Variants in ZNF208 observed in about 807,000 individuals in gnomAD.
The protein encoded by ZNF208 is zinc finger protein 95.
In ZNF208, 10 loss-of-function variants were observed where a neutral mutation model predicts 12.1. The observed-to-expected ratio is 0.83, with a 90% CI of 0.51 to 1.40. The LOEUF (loss-of-function observed/expected upper bound fraction) is 1.40, where lower values mean the gene tolerates loss of function less well. Among genes scored for constraint, ZNF208 ranks in the 40% most tolerant of loss-of-function variants. ZNF208 has a pLI of 0.00. For synonymous variants in ZNF208, 497 were observed against 488.4 expected (o/e 1.02, Z -0.23); for missense variants, 1,652 against 1,485.0 (o/e 1.11, Z -1.85).
chr19:21,963,892 T>A (rs535235950), downstream of ZNF208, among the ~76,000 whole-genome samples: 18 of 151,972 alleles, frequency 1.2e-4, no homozygotes, highest in Non-Finnish European at 1.9e-4. Flanking sequence ...GAGTAAAAAA[T>A]TTCAAATAGG....
At chr19:22,000,991 A>AC (rs1296594329) in intron 1 of ZNF208, among the ~76,000 whole-genome samples, 2 of 152,182 alleles carry the variant, frequency 1.3e-5, no homozygotes, top group Non-Finnish European at 2.9e-5. Context: ...ACACACACAC[A>AC]AAAATCAAAG....
At chr19:21,974,853 GATAA>G (rs751269131) in intron 3 of ZNF208, 46 bp from the exon 4 acceptor site, 24 of 1,465,140 alleles carry the variant, frequency 1.6e-5, no homozygotes, top group Non-Finnish European at 2.2e-5. Context: ...ATTAGACTCA[GATAA>G]ATACAGTTTC....
At chr19:21,955,329 T>C (rs1050524320) in intron 4 of ZNF208, among the ~76,000 whole-genome samples, 2 of 152,174 alleles carry the variant, frequency 1.3e-5, no homozygotes, top group Non-Finnish European at 2.9e-5. Context: ...TCTTGAGGAG[T>C]ATCTTTGTGG....
chr19:21,973,843 G>T lies in ZNF208; in HGVS notation c.1191C>A (p.Tyr397Ter), dbSNP rs1195209615. The change falls in exon 4 of 4, where the codon TAC becomes TAA. Residue 397 changes from tyrosine (Y) to a stop codon, truncating the protein, a stop_gained. Transcript: ENST00000397126. LOFTEE classifies it low-confidence loss of function (END_TRUNC). ...HKKIHTGEKP[Y>*]KCEECGKGFS... ...AACCTTTGCCACATTCTTCACATTT[G>T]TAGGGTTTCTCTCCAGTATGAATTT... 1.2e-6 allele frequency: 2 copies of T among 1,613,510 alleles called. No individual in the cohort carries two copies. Among genetic ancestry groups the T allele is most frequent in the East Asian group, 4.5e-5 (2 of 44,834 alleles).
intron 4 of ZNF208, among the ~76,000 whole-genome samples, chr19:21,955,954 C>T (rs926140676): frequency 2.6e-5 from 4 of 152,190 alleles, no homozygotes; most frequent in Admixed American, 1.3e-4. Flanking sequence ...TGGTTTCTCC[C>T]CATCTTTGGG....
chr19:21,950,345 G>T (rs73930948), intron 4 of ZNF208, among the ~76,000 whole-genome samples: 2 of 152,086 alleles, frequency 1.3e-5, no homozygotes, highest in South Asian at 2.1e-4. Flanking sequence ...AAACAAAAAA[G>T]CCACCATAAA....
chr19:21,974,333 C>T lies in ZNF208; in HGVS notation c.701G>A (p.Cys234Tyr). 1 of 1,613,708 alleles carries T rather than the reference C, an allele frequency of 6.2e-7. No homozygotes were observed. Among genetic ancestry groups the T allele is most frequent in the Non-Finnish European group, 8.5e-7 (1 of 1,179,794 alleles). The change falls in exon 4 of 4, where the codon TGT (cysteine) becomes TAT (tyrosine). Residue 234 changes from cysteine to tyrosine, a missense_variant. Around this residue, in one of 3 missense-constraint regions of ZNF208, gnomAD observed 410 missense variants for 378.2 expected, o/e 1.08. Transcript: ENST00000397126. Reference protein sequence around the residue: ...TGEKPYRCKECGKAFSKFSIL... With the variant: ...TGEKPYRCKEYGKAFSKFSIL... ...TGAGAACTTACTAAAGGCTTTGCCACATTCTTTACATCTGTAGGGTTTCTC... is the reference window on the plus strand; with the variant it reads ...TGAGAACTTACTAAAGGCTTTGCCATATTCTTTACATCTGTAGGGTTTCTC...
intron 4 of ZNF208, among the ~76,000 whole-genome samples, chr19:21,950,370 A>G (rs1969871016): frequency 6.6e-6 from 1 of 151,990 alleles, no homozygotes; most frequent in South Asian, 2.1e-4. Context: ...ATTTTAAAAG[A>G]TCTCTGCTTT....
chr19:21,985,182 T>C (rs933719932), intron 3 of ZNF208, among the ~76,000 whole-genome samples: 1 of 152,140 alleles, frequency 6.6e-6, no homozygotes, highest in African/African-American at 2.4e-5. Context: ...TAGAGAGATA[T>C]AAAGCATTTA....
At chr19:21,945,907 A>G (rs1969809109) in intron 4 of ZNF208, among the ~76,000 whole-genome samples, 1 of 28,734 alleles carries the variant, frequency 3.5e-5, no homozygotes, top group Non-Finnish European at 8.1e-5. Flanking sequence ...AGCAGCTTGG[A>G]AAAAAAAAAG....
intron 4 of ZNF208, among the ~76,000 whole-genome samples, chr19:21,948,964 C>A (rs1004178092): frequency 3.3e-5 from 5 of 152,178 alleles, no homozygotes; most frequent in African/African-American, 1.2e-4. Context: ...GAAAACACTT[C>A]CTGATGTGCA....
Position 21,939,975 on chromosome 19 carries a change from A to G in ZNF208, c.306-6738T>C, listed in dbSNP as rs573228672. On this transcript the variant is annotated intron_variant, in intron 4 of 4. Transcript: ENST00000599916. ...AGGTAGATTGGATCCTTGCAAAGCA[A>G]CTAACACAAAAATTGTTCATGTATA... 5 of 152,296 alleles carry G rather than the reference A, an allele frequency of 3.3e-5. No homozygotes were observed. In the East Asian group the frequency reaches 9.7e-4, roughly 29 times the overall value. 9.4% of individuals were successfully genotyped at this position (152,296 alleles called of 1,614,324 possible).
Position 21,971,211 on chromosome 19 carries a change from G to T in ZNF208, c.3823C>A (p.His1275Asn), listed in dbSNP as rs1029023879. The T allele has an allele frequency of 1.2e-6, 2 of 1,611,718 alleles. No homozygotes were observed. Among genetic ancestry groups the T allele is most frequent in the Non-Finnish European group, 1.7e-6 (2 of 1,179,624 alleles). Residue 1275 changes from histidine (H) to asparagine (N), a missense_variant, in exon 4 of 4, where the codon CAT becomes AAT. Transcript: ENST00000397126. ...LSVFSKHKKI[H>N]TGEKL is the part of the protein sequence containing the mutation. ...CATTTCTAGAGTTTCTCTCCAGTAT[G>T]AATTTTCTTATGTTTACTGAAGACT...
intron 1 of ZNF208, among the ~76,000 whole-genome samples, chr19:22,008,631 A>G (rs532940438): frequency 2.0e-4 from 31 of 151,320 alleles, no homozygotes; most frequent in Non-Finnish European, 2.4e-4. Flanking sequence ...TCTGTCCCCT[A>G]AGAGAATCCA....
At chr19:21,980,087 C>T (rs1358029392) in intron 3 of ZNF208, among the ~76,000 whole-genome samples, 1 of 151,856 alleles carries the variant, frequency 6.6e-6, no homozygotes, top group Non-Finnish European at 1.5e-5. Context: ...CAAGTTCTTA[C>T]AGACCTACAA....
chr19:21,990,915 T>C (rs573645282), intron 1 of ZNF208, among the ~76,000 whole-genome samples: 1 of 152,194 alleles, frequency 6.6e-6, no homozygotes, highest in Non-Finnish European at 1.5e-5. Context: ...TTGTCTGTTA[T>C]TGGTGTATAA....
chr19:21,958,433 G>A (rs1449317288), intron 4 of ZNF208, among the ~76,000 whole-genome samples: 2 of 152,172 alleles, frequency 1.3e-5, no homozygotes, highest in Non-Finnish European at 2.9e-5. Flanking sequence ...TAAATAAGGT[G>A]CCAATAACCC....
In ZNF208 at chr19:21,973,310, T is replaced by C; in HGVS notation, c.1724A>G (p.His575Arg). 2 of 1,610,514 alleles carry C rather than the reference T, an allele frequency of 1.2e-6. No individual in the cohort carries two copies. Among genetic ancestry groups the C allele is most frequent in the Non-Finnish European group, 8.5e-7 (1 of 1,178,520 alleles). ...ACATTTGTAGGGTTTCTCTACAGTA[T>C]GAATTTTCTTATGATAACTAAGGGT... is the stretch of plus-strand genomic sequence containing the variant. Reference protein sequence around the residue: ...SSTLSYHKKIHTVEKPYKCEE... With the variant: ...SSTLSYHKKIRTVEKPYKCEE... The change falls in exon 4 of 4, where the codon CAT becomes CGT. Residue 575 changes from histidine (H) to arginine (R), a missense_variant. By Grantham distance (29) the His-to-Arg change is conservative. This residue lies in a region of ZNF208 where 1,239 missense variants were observed against 1,086.2 expected (regional missense o/e 1.14). Coordinates refer to ENST00000397126, the MANE Select transcript of ZNF208 (RefSeq NM_007153.3).
chr19:21,985,415 A>G (rs1179226405), intron 3 of ZNF208, among the ~76,000 whole-genome samples: 2 of 152,212 alleles, frequency 1.3e-5, no homozygotes, highest in African/African-American at 4.8e-5. Context: ...CATCTCAAAA[A>G]TAAGTGCCTT....
Sources: allele counts gnomAD v4.1 joint callset (sites outside exome capture counted in the v4.1 genomes callset), GRCh38; gene constraint gnomAD v4.1.1; regional missense constraint gnomAD v4.1.1; transcripts MANE v1.5; gene names NCBI Gene and HGNC (gene_info 2026-07-23, HGNC 2026-07-21).